The following IL3RA variants were observed in gnomAD, a reference collection of about 807,000 sequenced individuals.
The protein encoded by IL3RA is interleukin 3 receptor subunit alpha, also known as interleukin-3 receptor subunit alpha.
IL3RA carries 73 observed loss-of-function variants against 52.3 expected under a neutral mutation model. The ratio of observed to expected loss-of-function variants is 1.40; its 90% CI spans 1.16 to 1.70. The LOEUF (loss-of-function observed/expected upper bound fraction) is 1.70, where lower values mean the gene tolerates loss of function less well. IL3RA is among the 40% of genes most tolerant of loss of function. The probability of loss-of-function intolerance (pLI) is 0.00; values close to 1 mark genes in which losing one functional copy is unlikely to be tolerated. For synonymous variants in IL3RA, 260 were observed against 194.0 expected (o/e 1.34, Z -2.83); for missense variants, 664 against 504.4 (o/e 1.32, Z -3.03).
At chrX:1,341,880 G>A in intron 2 of IL3RA, 51 bp downstream of exon 2, 1 of 1,579,510 alleles carries the variant, frequency 6.3e-7, no homozygotes, top group Non-Finnish European at 8.7e-7. Flanking sequence ...GGTGGGGGTA[G>A]ACAGACACAC....
chrX:1,379,093 T>C (rs1409591659), intron 10 of IL3RA, among the ~76,000 whole-genome samples: 3 of 152,180 alleles, frequency 2.0e-5, no homozygotes, highest in African/African-American at 7.2e-5. Context: ...TCCACCTGCC[T>C]CAGCCTCCTA....
intron 2 of IL3RA, among the ~76,000 whole-genome samples, chrX:1,344,633 C>T (rs1197271166): frequency 1.6e-4 from 23 of 145,820 alleles, no homozygotes; most frequent in South Asian, 8.8e-4. Context: ...ATTAGCCGGG[C>T]GTGGTGGTGG....
chrX:1,380,456 G>GAGGAGAT (rs2089102355), intron 10 of IL3RA, among the ~76,000 whole-genome samples: 2 of 3,274 alleles, frequency 6.1e-4, no homozygotes, highest in Admixed American at 2.0e-3. Flanking sequence ...GGGGGGAGGA[G>GAGGAGAT]GGGGGAAGGG....
At chrX:1,365,490 C>A (rs868844129) in intron 9 of IL3RA, among the ~76,000 whole-genome samples, 52 of 16,658 alleles carry the variant, frequency 3.1e-3, no homozygotes, top group Admixed American at 8.1e-3. Flanking sequence ...GAGCCGGGTG[C>A]GCGGGGTGAG....
At chrX:1,351,481 A>G (rs1439512146) in intron 4 of IL3RA, among the ~76,000 whole-genome samples, 1 of 151,020 alleles carries the variant, frequency 6.6e-6, no homozygotes, top group African/African-American at 2.4e-5. Context: ...GCGGCCCGAC[A>G]TCACGCCCGG....
At chrX:1,360,191 C>T (rs751321871) in intron 8 of IL3RA, among the ~76,000 whole-genome samples, 1 of 140,938 alleles carries the variant, frequency 7.1e-6, no homozygotes, top group Non-Finnish European at 1.5e-5. Context: ...CTCTCTCTCC[C>T]GGTCTCTATT....
Position 1,348,565 on chromosome X carries a change from TTTG to T in IL3RA, c.298+23_298+25del. The T allele has an allele frequency of 1.0e-5, 16 of 1,576,774 alleles. No individual in the cohort carries two copies. The highest frequency in any genetic ancestry group is 1.4e-5 in the Non-Finnish European group (16 of 1,145,890). Reference sequence around the variant, plus strand: ...AGAACAGTGAGAAAAATGTTCATTGTTTGTTTATTCTCTATTCCCTCCCTCCTT... The same window carrying T: ...AGAACAGTGAGAAAAATGTTCATTGTTTTATTCTCTATTCCCTCCCTCCTT... On this transcript the variant is annotated intron_variant, in intron 4 of 11. Transcript: ENST00000331035.
chrX:1,382,589 C>T lies in IL3RA; in HGVS notation c.*124C>T. 7 of 835,640 alleles carry T rather than the reference C, an allele frequency of 8.4e-6. No individual in the cohort carries two copies. Among genetic ancestry groups the T allele is most frequent in the Non-Finnish European group, 1.4e-5 (7 of 483,542 alleles). 51.8% of individuals were successfully genotyped at this position (835,640 alleles called of 1,614,324 possible). ...ATGGACATTCCTAACGGGTGGTGGG[C>T]ATGGGAGATGCCTGTGTAATTTCGT... On this transcript the variant is annotated 3_prime_UTR_variant, in exon 12 of 12. Transcript: ENST00000331035.
intron 9 of IL3RA, among the ~76,000 whole-genome samples, chrX:1,368,814 A>C (rs1364723309): frequency 1.1e-5 from 1 of 93,764 alleles, no homozygotes; most frequent in Non-Finnish European, 2.0e-5. Context: ...CTGTGGGAGA[A>C]TCAATGTGTT....
Position 1,339,586 on chromosome X carries a change from G to A in IL3RA, c.-38-2142G>A, listed in dbSNP as rs1206625111. ...AGGCGGGTGGATCATGAGGTCAGGA[G>A]TTCGAGACCAGCCTGACCAACATGG... On this transcript the variant is annotated intron_variant, in intron 1 of 11. Coordinates refer to ENST00000331035, the MANE Select transcript of IL3RA (RefSeq NM_002183.4). 2.6e-5 allele frequency among the ~76,000 whole-genome samples: 4 copies of A among 152,144 alleles called. No individual in the cohort carries two copies. The East Asian group carries it at 7.7e-4, about 29-fold the overall frequency.
intron 9 of IL3RA, among the ~76,000 whole-genome samples, chrX:1,367,773 G>A (rs1406884009): frequency 1.5e-5 from 2 of 136,146 alleles, no homozygotes; most frequent in African/African-American, 5.4e-5. Context: ...CCGGGTGAGC[G>A]GGGTGCGCGG....
intron 8 of IL3RA, among the ~76,000 whole-genome samples, chrX:1,363,645 T>C (rs1248419165): frequency 6.6e-6 from 1 of 151,818 alleles, no homozygotes; most frequent in Non-Finnish European, 1.5e-5. Context: ...CTGCAACATA[T>C]GAATTTTGGG....
intron 8 of IL3RA, among the ~76,000 whole-genome samples, chrX:1,361,348 C>G (rs761640831): frequency 1.3e-5 from 2 of 152,168 alleles, no homozygotes; most frequent in East Asian, 1.9e-4. Flanking sequence ...AATTTATAAA[C>G]AAAAGAGGGT....
intron 8 of IL3RA, 24 bp downstream of exon 8, chrX:1,358,911 G>T: frequency 6.2e-7 from 1 of 1,604,080 alleles, no homozygotes; most frequent in Non-Finnish European, 8.5e-7. Context: ...ACCCCCAGCC[G>T]CTGTACTTGA....
intron 8 of IL3RA, among the ~76,000 whole-genome samples, chrX:1,360,510 C>T (rs1410585049): frequency 6.6e-6 from 1 of 151,700 alleles, no homozygotes; most frequent in African/African-American, 2.4e-5. Flanking sequence ...CTCCCTTTCT[C>T]CTTCCCTCTC....
chrX:1,346,485 T>C (rs1271665159), intron 3 of IL3RA, among the ~76,000 whole-genome samples: 3 of 151,630 alleles, frequency 2.0e-5, no homozygotes, highest in Admixed American at 2.0e-4. Flanking sequence ...CACATGCCTG[T>C]AATACCAGCT....
chrX:1,356,586 G>A (rs1317359072), intron 7 of IL3RA, among the ~76,000 whole-genome samples: 1 of 151,964 alleles, frequency 6.6e-6, no homozygotes, highest in Non-Finnish European at 1.5e-5. Context: ...TGGCTAACGC[G>A]GTGAAACCCC....
rs753171337 is a variant in IL3RA, at chrX:1,365,274, C to CGCGGGGTGA, written c.874+40_874+48dup. 386 of 1,423,944 alleles carry CGCGGGGTGA rather than the reference C, an allele frequency of 2.7e-4. 1 individual carries two copies. In the African/African-American group the frequency reaches 4.3e-3, roughly 16 times the overall value. 88.2% of individuals were successfully genotyped at this position (1,423,944 alleles called of 1,614,324 possible). Reference sequence around the variant, plus strand: ...TTCGGTGAGTGGGCTGTGCGGGGTGCGCGGGGTGAGCGGGGTGAGCGGGGT... The same window carrying CGCGGGGTGA: ...TTCGGTGAGTGGGCTGTGCGGGGTGCGCGGGGTGAGCGGGGTGAGCGGGGTGAGCGGGGT... On this transcript the variant is annotated intron_variant, in intron 9 of 11. Transcript: ENST00000331035.
At chrX:1,377,074 G>C (rs1326329009) in intron 9 of IL3RA, among the ~76,000 whole-genome samples, 16 of 139,014 alleles carry the variant, frequency 1.2e-4, no homozygotes, top group Non-Finnish European at 2.0e-4. Context: ...TGAGGACACA[G>C]ACACACACCA....
Sources: allele counts gnomAD v4.1 joint callset (sites outside exome capture counted in the v4.1 genomes callset), GRCh38; gene constraint gnomAD v4.1.1; transcripts MANE v1.5; gene names NCBI Gene and HGNC (gene_info 2026-07-23, HGNC 2026-07-21).